SLC24A2: variants seen among roughly 807,000 people sequenced by gnomAD.
SLC24A2 encodes sodium/potassium/calcium exchanger 2.
A neutral mutation model predicts 62.0 loss-of-function variants in SLC24A2; 36 were observed. That is an observed-to-expected ratio of 0.58 (90% CI 0.44 to 0.77). The LOEUF (loss-of-function observed/expected upper bound fraction) is 0.77. SLC24A2 is among the 30% of genes least tolerant of loss of function. The probability of loss-of-function intolerance (pLI) is 0.00; values close to 1 mark genes in which losing one functional copy is unlikely to be tolerated. For missense variants in SLC24A2, 846 were observed against 817.9 expected (o/e 1.03, Z -0.42); for synonymous variants, 358 against 294.0 (o/e 1.22, Z -2.23).
At chr9:19,939,752 C>G in the SLC24A2 span, among the ~76,000 whole-genome samples, 1 of 152,282 alleles carries the variant, frequency 6.6e-6, no homozygotes, top group South Asian at 2.1e-4. Flanking sequence ...GCCCACTGTC[C>G]TACAAGTGGT....
At chr9:19,808,241 A>G in the SLC24A2 span, among the ~76,000 whole-genome samples, 43 of 152,310 alleles carry the variant, frequency 2.8e-4, no homozygotes, top group South Asian at 1.4e-3. This position sits in a 1 kb window ranked among gnomAD's most constrained non-coding sequence, Gnocchi z 4.1. Flanking sequence ...GATGACACAG[A>G]TGTACTTGAA....
At chr9:19,931,966 C>T in the SLC24A2 span, among the ~76,000 whole-genome samples, 1 of 151,414 alleles carries the variant, frequency 6.6e-6, no homozygotes, top group Non-Finnish European at 1.5e-5. Context: ...TTTTTCCTCC[C>T]ATGTAGAAAG....
At chr9:19,598,859 G>A (rs941910230) in intron 4 of SLC24A2, among the ~76,000 whole-genome samples, 1 of 152,096 alleles carries the variant, frequency 6.6e-6, no homozygotes, top group East Asian at 1.9e-4. Context: ...AGTAATCTTG[G>A]AGTAGATTAA....
intron 8 of SLC24A2, among the ~76,000 whole-genome samples, chr9:19,542,055 T>C (rs1244711638): frequency 2.0e-5 from 3 of 152,216 alleles, no homozygotes; most frequent in African/African-American, 7.2e-5. Context: ...TGCCTCGCCC[T>C]GCTTCGGCTC....
chr9:20,040,525 C>A, the SLC24A2 span, among the ~76,000 whole-genome samples: 1 of 152,204 alleles, frequency 6.6e-6, no homozygotes, highest in African/African-American at 2.4e-5. Flanking sequence ...TCACCCATTT[C>A]TTTTCAACCC....
chr9:20,130,155 C>A, the SLC24A2 span, among the ~76,000 whole-genome samples: 1 of 152,012 alleles, frequency 6.6e-6, no homozygotes, highest in Admixed American at 6.6e-5. Flanking sequence ...ATGCCAGGAA[C>A]ATTTTATTTC....
At chr9:19,567,427 TC>T (rs1835699420) in intron 7 of SLC24A2, among the ~76,000 whole-genome samples, 1 of 150,672 alleles carries the variant, frequency 6.6e-6, no homozygotes, top group African/African-American at 2.4e-5. Flanking sequence ...GCGCCTGTAG[TC>T]CCAGCTACTT....
the SLC24A2 span, among the ~76,000 whole-genome samples, chr9:19,834,767 T>A: frequency 4.6e-5 from 7 of 152,020 alleles, no homozygotes; most frequent in African/African-American, 1.7e-4. Flanking sequence ...CCAAGACACA[T>A]AATCGTCAGA....
the SLC24A2 span, among the ~76,000 whole-genome samples, chr9:19,921,624 C>T: frequency 2.0e-5 from 3 of 151,034 alleles, no homozygotes; most frequent in East Asian, 5.9e-4. Context: ...TTCATGCATA[C>T]AGAGAAAAAT....
chr9:19,608,225 G>T (rs1837045620), intron 4 of SLC24A2, among the ~76,000 whole-genome samples: 1 of 152,082 alleles, frequency 6.6e-6, no homozygotes, highest in African/African-American at 2.4e-5. Flanking sequence ...AACTGCTTTT[G>T]AGAGACACCT....
chr9:19,679,013 T>C (rs1290665123), intron 2 of SLC24A2, among the ~76,000 whole-genome samples: 1 of 152,238 alleles, frequency 6.6e-6, no homozygotes, highest in African/African-American at 2.4e-5. Flanking sequence ...TTGCAAATGA[T>C]GACCAGATGT....
chr9:19,551,380 G>A (rs1000909015), intron 7 of SLC24A2, among the ~76,000 whole-genome samples: 3 of 152,232 alleles, frequency 2.0e-5, no homozygotes, highest in African/African-American at 7.2e-5. Flanking sequence ...AGTAGCTTCT[G>A]AAGTCAGGGC....
the SLC24A2 span, among the ~76,000 whole-genome samples, chr9:19,798,183 ATATT>A: frequency 0.015 from 2,218 of 152,110 alleles, 39 homozygotes; most frequent in South Asian, 0.075. Context: ...ATCTCATATG[ATATT>A]TATGTTTTTA....
the SLC24A2 span, among the ~76,000 whole-genome samples, chr9:19,803,909 A>G: frequency 1.3e-5 from 2 of 152,208 alleles, no homozygotes; most frequent in African/African-American, 4.8e-5. Flanking sequence ...CATTAAATTC[A>G]TCTTTTAAAA....
At chr9:19,789,197 C>G (rs1823272466), upstream of SLC24A2, among the ~76,000 whole-genome samples, 1 of 152,234 alleles carries the variant, frequency 6.6e-6, no homozygotes, top group Non-Finnish European at 1.5e-5. Context: ...CGCTGGCAGC[C>G]GTCTCTTAGG....
chr9:19,574,820 C>A (rs1342390490), intron 6 of SLC24A2, among the ~76,000 whole-genome samples: 1 of 152,092 alleles, frequency 6.6e-6, no homozygotes, highest in South Asian at 2.1e-4. Flanking sequence ...ATTGAAAGCA[C>A]ACACTCTGGC....
At chr9:19,658,353 G>C (rs977984494) in intron 2 of SLC24A2, among the ~76,000 whole-genome samples, 8 of 151,876 alleles carry the variant, frequency 5.3e-5, no homozygotes, top group Non-Finnish European at 8.8e-5. Flanking sequence ...GCCTGTTTAT[G>C]TGTTTGTATC....
the SLC24A2 span, among the ~76,000 whole-genome samples, chr9:20,054,836 GATAC>G: frequency 6.6e-6 from 1 of 152,158 alleles, no homozygotes; most frequent in Non-Finnish European, 1.5e-5. Context: ...ATACCCAGTA[GATAC>G]AACAGTCAGC....
the SLC24A2 span, among the ~76,000 whole-genome samples, chr9:19,990,864 AT>A: frequency 2.3e-4 from 33 of 144,042 alleles, no homozygotes; most frequent in African/African-American, 8.4e-4. Context: ...AAAAAAAAAA[AT>A]AGTATCAATA....
Sources: gnomAD v4.1 joint callset for allele counts (sites outside exome capture counted in the v4.1 genomes callset) on GRCh38, gnomAD v4.1.1 for gene constraint, Gnocchi (gnomAD v3.1) non-coding constraint, MANE v1.5 for transcripts, NCBI Gene and HGNC (gene_info 2026-07-23, HGNC 2026-07-21) for gene names.